The following FAM117B variants were observed in gnomAD, a reference collection of about 807,000 sequenced individuals.
FAM117B encodes protein FAM117B.
In FAM117B, 22 loss-of-function variants were observed where a neutral mutation model predicts 52.8. That is an observed-to-expected ratio of 0.42 (90% CI 0.30 to 0.59). The LOEUF is 0.59. FAM117B is among the 20% of genes least tolerant of loss of function. FAM117B has a pLI of 0.22. For missense variants in FAM117B, 678 were observed against 802.6 expected (o/e 0.84, Z 1.88); for synonymous variants, 309 against 324.1 (o/e 0.95, Z 0.50).
At chr2:202,699,426 C>CAAAAAAAAA (rs751190825) in intron 2 of FAM117B, among the ~76,000 whole-genome samples, 18 of 17,888 alleles carry the variant, frequency 1.0e-3, no homozygotes, top group Non-Finnish European at 1.6e-3. Context: ...GACCCCATCT[C>CAAAAAAAAA]AAAAAAAAAA....
rs1052100943 is a variant in FAM117B, at chr2:202,665,186, CTTTTTTT to C, written c.601+29405_601+29411del. Among the ~76,000 whole-genome samples, 13 of 143,626 alleles carry C rather than the reference CTTTTTTT, an allele frequency of 9.1e-5. No homozygotes were observed. In the South Asian group the frequency reaches 2.9e-3, roughly 32 times the overall value. 94.2% of individuals were successfully genotyped at this position (143,626 alleles called of 152,430 possible). A position where few individuals can be genotyped will look rare whatever the true frequency, so the allele number is the denominator to read the frequency against. ...CATGACCCTCTCAATTTTCTTTTTT[CTTTTTTT>C]TTTTTTGAGACAGAGTTTCGTATGC... On this transcript the variant is annotated intron_variant, in intron 1 of 7. Transcript: ENST00000392238.
intron 1 of FAM117B, among the ~76,000 whole-genome samples, chr2:202,662,150 GT>G (rs1025043841): frequency 2.0e-4 from 30 of 151,426 alleles, no homozygotes; most frequent in African/African-American, 7.0e-4. Context: ...ATGTGTGTAT[GT>G]GTGTGTGTGT....
chr2:202,635,741 G>A lies in FAM117B; in HGVS notation c.554G>A (p.Arg185Gln), dbSNP rs1284708088. Residue 185 changes from arginine (R) to glutamine (Q), a missense_variant, in exon 1 of 8, where the codon CGA (arginine) becomes CAA (glutamine). By Grantham distance (43) the Arg-to-Gln change is conservative. This residue lies in a region of FAM117B where 583 missense variants were observed against 644.8 expected (regional missense o/e 0.90). Coordinates refer to ENST00000392238, the MANE Select transcript of FAM117B (RefSeq NM_173511.4). ...RHRRRSPEQS[R>Q]SSPEKRSPSA... ...CGGAGGAGGTCTCCGGAGCAGAGCC[G>A]AAGCTCGCCGGAGAAGAGGAGCCCC... The A allele has an allele frequency of 1.4e-6, 2 of 1,457,260 alleles. No homozygotes were observed. The highest frequency in any genetic ancestry group is 1.8e-6 in the Non-Finnish European group (2 of 1,107,740). 90.3% of individuals were successfully genotyped at this position (1,457,260 alleles called of 1,614,324 possible). A position where few individuals can be genotyped will look rare whatever the true frequency, so the allele number is the denominator to read the frequency against.
At chr2:202,639,439 G>A (rs1292036848) in intron 1 of FAM117B, among the ~76,000 whole-genome samples, 1 of 152,190 alleles carries the variant, frequency 6.6e-6, no homozygotes, top group African/African-American at 2.4e-5. Flanking sequence ...TAGCAAAGCC[G>A]TTTGTCATTA....
At chr2:202,707,731 A>G (rs1401806316) in intron 2 of FAM117B, among the ~76,000 whole-genome samples, 3 of 152,048 alleles carry the variant, frequency 2.0e-5, no homozygotes, top group Middle Eastern at 3.4e-3. Context: ...CAGTCCATCA[A>G]TCAATCAATA....
chr2:202,731,369 G>GGGA (rs1691346467), intron 4 of FAM117B, among the ~76,000 whole-genome samples: 2 of 30,430 alleles, frequency 6.6e-5, no homozygotes, highest in Non-Finnish European at 1.5e-4. Context: ...ATATATATAT[G>GGGA]GAGAGAGAGA....
rs1559090428 is a variant in FAM117B, at chr2:202,634,997, G to GCGGCA, written c.-191_-190insCGGCA. 8.1e-6 allele frequency among the ~76,000 whole-genome samples: 1 copy of GCGGCA among 123,112 alleles called. No individual in the cohort carries two copies. The highest frequency in any genetic ancestry group is 3.3e-5 in the African/African-American group (1 of 30,256). 80.8% of individuals were successfully genotyped at this position (123,112 alleles called of 152,430 possible). A position where few individuals can be genotyped will look rare whatever the true frequency, so the allele number is the denominator to read the frequency against. ...GGAGACACTATTGTTGATGAGGAGC[G>GCGGCA]GCGGCGGCGGCGGCGGCGGCTGCAC... is the stretch of plus-strand genomic sequence containing the variant. On this transcript the variant is annotated 5_prime_UTR_variant, in exon 1 of 8. Transcript: ENST00000392238.
intron 2 of FAM117B, among the ~76,000 whole-genome samples, chr2:202,722,007 ATTTT>A (rs57678317): frequency 7.8e-6 from 1 of 128,602 alleles, no homozygotes; most frequent in Non-Finnish European, 1.6e-5. Flanking sequence ...TAAAGATACA[ATTTT>A]TTTTTTTTTT....
rs1559091986 is a variant in FAM117B at position 202,640,295 on chromosome 2, A to AT, written c.601+4507_601+4508insT. Among the ~76,000 whole-genome samples the AT allele has an allele frequency of 4.7e-3, 239 of 51,292 alleles. 23 individuals carry two copies. The highest frequency in any genetic ancestry group is 0.024 in the Middle Eastern group (2 of 82). 33.6% of individuals were successfully genotyped at this position (51,292 alleles called of 152,430 possible). A position where few individuals can be genotyped will look rare whatever the true frequency, so the allele number is the denominator to read the frequency against. On this transcript the variant is annotated intron_variant, in intron 1 of 7. Coordinates refer to ENST00000392238, the MANE Select transcript of FAM117B (RefSeq NM_173511.4). ...ACAACAACCACCACCACCACCACAA[A>AT]ATATATATATATATATATATATATA...
chr2:202,676,811 G>A (rs970766075), intron 1 of FAM117B, among the ~76,000 whole-genome samples: 1 of 152,188 alleles, frequency 6.6e-6, no homozygotes, highest in Admixed American at 6.5e-5. Context: ...GAAGCCTTAG[G>A]AGGTTGAAAG....
chr2:202,641,468 G>T (rs1689768711), intron 1 of FAM117B, among the ~76,000 whole-genome samples: 1 of 152,118 alleles, frequency 6.6e-6, no homozygotes, highest in South Asian at 2.1e-4. Flanking sequence ...GACTGTCAGG[G>T]TTCAGACCCT....
chr2:202,663,346 G>A (rs1690158440), intron 1 of FAM117B, among the ~76,000 whole-genome samples: 1 of 152,084 alleles, frequency 6.6e-6, no homozygotes, highest in African/African-American at 2.4e-5. Flanking sequence ...CTCAGCTGTG[G>A]GTAACTCTAT....
At chr2:202,639,713 C>T (rs959117325) in intron 1 of FAM117B, among the ~76,000 whole-genome samples, 3 of 152,118 alleles carry the variant, frequency 2.0e-5, no homozygotes, top group Admixed American at 1.3e-4. Flanking sequence ...GTGAAATCTA[C>T]TTCATATGAT....
rs186265778 is a variant in FAM117B, at chr2:202,683,893, G to T, written c.602-11988G>T. 1.7e-3 allele frequency among the ~76,000 whole-genome samples: 264 copies of T among 151,894 alleles called. 1 individual carries two copies. Among genetic ancestry groups the T allele is most frequent in the Middle Eastern group, 6.8e-3 (2 of 292 alleles). On this transcript the variant is annotated intron_variant, in intron 1 of 7. Transcript: ENST00000392238. Reference sequence around the variant, plus strand: ...TTAATTTTTTTTTTTTGGAGACAGGGTCTTGCTCTGTCACCCAGGCTGGAG... The same window carrying T: ...TTAATTTTTTTTTTTTGGAGACAGGTTCTTGCTCTGTCACCCAGGCTGGAG...
chr2:202,738,548 A>G (rs1027907383), intron 4 of FAM117B, among the ~76,000 whole-genome samples: 2 of 152,216 alleles, frequency 1.3e-5, no homozygotes, highest in African/African-American at 4.8e-5. Context: ...TCTGATTATC[A>G]AAGGATAGGA....
At position 202,635,262 on chromosome 2, in the gene FAM117B, C is replaced by CG; in HGVS notation, c.80dup (p.Pro28ThrfsTer175). 7.3e-7 allele frequency: 1 copy of CG among 1,375,940 alleles called. No individual in the cohort carries two copies. The highest frequency in any genetic ancestry group is 3.0e-5 in the Admixed American group (1 of 33,288). The allele number at this position is 1,375,940 out of a possible 1,614,324, so 85.2% of individuals were successfully genotyped here. A position where few individuals can be genotyped will look rare whatever the true frequency, so the allele number is the denominator to read the frequency against. ...TTGGGGGTGGTGCGGTGGCCACGGCCGGGGGACCCGGGAGCCGCTTGCAGC... is the reference window on the plus strand; with the variant it reads ...TTGGGGGTGGTGCGGTGGCCACGGCCGGGGGGACCCGGGAGCCGCTTGCAGC... On this transcript the variant is annotated frameshift_variant, in exon 1 of 8. Coordinates refer to ENST00000392238, the MANE Select transcript of FAM117B (RefSeq NM_173511.4). LOFTEE classifies it high-confidence loss of function.
At chr2:202,741,257 TAA>T (rs1169664992) in intron 4 of FAM117B, among the ~76,000 whole-genome samples, 1 of 151,364 alleles carries the variant, frequency 6.6e-6, no homozygotes, top group Non-Finnish European at 1.5e-5. Context: ...CCATCTCTAC[TAA>T]AATACAAAGG....
chr2:202,679,227 T>C (rs1690427130), intron 1 of FAM117B, among the ~76,000 whole-genome samples: 1 of 152,168 alleles, frequency 6.6e-6, no homozygotes, highest in Admixed American at 6.5e-5. Flanking sequence ...AAGGGAAACA[T>C]AGTAAGGTGA....
At chr2:202,686,835 A>G (rs1458988706) in intron 1 of FAM117B, among the ~76,000 whole-genome samples, 1 of 152,070 alleles carries the variant, frequency 6.6e-6, no homozygotes, top group African/African-American at 2.4e-5. Context: ...TTAGATAACC[A>G]AATTGTAGTA....
Sources: allele counts gnomAD v4.1 joint callset (sites outside exome capture counted in the v4.1 genomes callset), GRCh38; gene constraint gnomAD v4.1.1; regional missense constraint gnomAD v4.1.1; transcripts MANE v1.5; gene names NCBI Gene and HGNC (gene_info 2026-07-23, HGNC 2026-07-21).